Variants in LCLAT1 observed in about 807,000 individuals in gnomAD.
LCLAT1 encodes 1-AGP acyltransferase 8.
A neutral mutation model predicts 30.7 loss-of-function variants in LCLAT1; 11 were observed. The ratio of observed to expected loss-of-function variants is 0.36; its 90% confidence interval spans 0.23 to 0.59. The LOEUF is 0.59. LCLAT1 is among the 20% of genes least tolerant of loss of function. The pLI is 0.77. For synonymous variants in LCLAT1, 155 were observed against 151.3 expected (o/e 1.02, Z -0.18); for missense variants, 402 against 458.6 (o/e 0.88, Z 1.13).
chr2:30,492,889 T>C (rs191258535), intron 1 of LCLAT1, among the ~76,000 whole-genome samples: 330 of 152,352 alleles, frequency 2.2e-3, no homozygotes, highest in African/African-American at 7.6e-3. Context: ...ATTTCATTTA[T>C]ACATTTCCAT....
chr2:30,542,733 T>C (rs565270059), intron 3 of LCLAT1, among the ~76,000 whole-genome samples: 1 of 152,234 alleles, frequency 6.6e-6, no homozygotes, highest in South Asian at 2.1e-4. Context: ...TTTGATTTGT[T>C]TCTGAATATT....
chr2:30,471,940 T>A, intron 1 of LCLAT1, among the ~76,000 whole-genome samples: 1 of 152,224 alleles, frequency 6.6e-6, no homozygotes, highest in Non-Finnish European at 1.5e-5. Context: ...GTCTTATTCT[T>A]GATTTTAGGG....
Position 30,509,022 on chromosome 2 carries a change from T to C in LCLAT1, c.-4-16565T>C, listed in dbSNP as rs190022449. 2.0e-5 allele frequency among the ~76,000 whole-genome samples: 3 copies of C among 152,318 alleles called. No individual in the cohort carries two copies. In the East Asian group the frequency reaches 5.8e-4, roughly 29 times the overall value. ...TGTATTCCTAGTTATTTTATTCTTT[T>C]TGTGGCAATTGTGAATGGGATTGGG... On this transcript the variant is annotated intron_variant, in intron 1 of 5. Transcript: ENST00000379509.
intron 1 of LCLAT1, among the ~76,000 whole-genome samples, chr2:30,478,738 CAT>C (rs537678806): frequency 6.6e-6 from 1 of 152,108 alleles, no homozygotes; most frequent in Non-Finnish European, 1.5e-5. Flanking sequence ...AAAAACCAAA[CAT>C]AGACACACAT....
chr2:30,483,877 A>C (rs979156267), intron 1 of LCLAT1, among the ~76,000 whole-genome samples: 5 of 152,174 alleles, frequency 3.3e-5, no homozygotes, highest in African/African-American at 1.2e-4. Flanking sequence ...AGGAGACCTG[A>C]CTTTTAGGCC....
At chr2:30,577,914 ATCTG>A (rs2148462412) in intron 5 of LCLAT1, among the ~76,000 whole-genome samples, 1 of 152,256 alleles carries the variant, frequency 6.6e-6, no homozygotes, top group South Asian at 2.1e-4. Context: ...TTAAGTAAAC[ATCTG>A]TCTGTGATTC....
chr2:30,497,460 T>A lies in LCLAT1; in HGVS notation c.-4-28127T>A, dbSNP rs551934888. On this transcript the variant is annotated intron_variant, in intron 1 of 5. Transcript: ENST00000379509. ...TTAAAAATGTTAGACTTTGCATTAA[T>A]AACTATTTTTGTGCCATTTTGTTAA... 4.3e-4 allele frequency among the ~76,000 whole-genome samples: 66 copies of A among 152,354 alleles called. 1 individual carries two copies. Among genetic ancestry groups the A allele is most frequent in the Admixed American group, 1.3e-3 (20 of 15,300 alleles).
At chr2:30,637,798 G>A (rs931455443) in intron 5 of LCLAT1, among the ~76,000 whole-genome samples, 49 of 151,936 alleles carry the variant, frequency 3.2e-4, no homozygotes, top group East Asian at 1.9e-4. Flanking sequence ...GGCTGGTCTC[G>A]AACTCCTGAC....
intron 3 of LCLAT1, among the ~76,000 whole-genome samples, chr2:30,548,588 C>CT (rs1664536296): frequency 6.6e-6 from 1 of 152,052 alleles, no homozygotes; most frequent in South Asian, 2.1e-4. Context: ...AGATAGCAAA[C>CT]TTCAGAGAGA....
chr2:30,485,364 G>T (rs1386552336), intron 1 of LCLAT1, among the ~76,000 whole-genome samples: 1 of 152,032 alleles, frequency 6.6e-6, no homozygotes, highest in African/African-American at 2.4e-5. Context: ...TAATTTTTTG[G>T]ACAGCTTTTT....
intron 5 of LCLAT1, among the ~76,000 whole-genome samples, chr2:30,598,262 G>C (rs2602805): frequency 0.71 from 107,577 of 151,948 alleles, 38,204 homozygotes; most frequent in Middle Eastern, 0.74. Flanking sequence ...CTGTAAATCT[G>C]TCTGGTCCTG....
chr2:30,635,291 C>T (rs954748769), intron 5 of LCLAT1, among the ~76,000 whole-genome samples: 5 of 151,356 alleles, frequency 3.3e-5, no homozygotes, highest in Admixed American at 3.3e-4. Flanking sequence ...TCAACTCTCC[C>T]TCCTTGTATA....
chr2:30,469,574 CTTTTTTTTTT>C (rs199634493), intron 1 of LCLAT1, among the ~76,000 whole-genome samples: 28 of 103,838 alleles, frequency 2.7e-4, no homozygotes, highest in South Asian at 5.9e-4. Flanking sequence ...CAGGTCTCTT[CTTTTTTTTTT>C]TTTTTTTTTT....
chr2:30,512,104 T>C (rs1171787234), intron 1 of LCLAT1, among the ~76,000 whole-genome samples: 1 of 152,226 alleles, frequency 6.6e-6, no homozygotes, highest in Non-Finnish European at 1.5e-5. Context: ...GTGGGATTTT[T>C]AGTGTGTTTT....
chr2:30,504,188 A>G (rs973321468), intron 1 of LCLAT1, among the ~76,000 whole-genome samples: 1 of 152,084 alleles, frequency 6.6e-6, no homozygotes, highest in Non-Finnish European at 1.5e-5. Context: ...AATATGCATT[A>G]CATATATAAC....
chr2:30,535,870 G>A (rs1012028628), intron 3 of LCLAT1, among the ~76,000 whole-genome samples: 2 of 151,884 alleles, frequency 1.3e-5, no homozygotes, highest in Non-Finnish European at 2.9e-5. Context: ...GATCTTAAGG[G>A]AACTCAGCAA....
intron 1 of LCLAT1, among the ~76,000 whole-genome samples, chr2:30,488,414 CT>C (rs1487446184): frequency 2.6e-5 from 4 of 152,242 alleles, no homozygotes; most frequent in Non-Finnish European, 4.4e-5. Flanking sequence ...TCAGTAATGA[CT>C]GATTTGAGAT....
intron 5 of LCLAT1, among the ~76,000 whole-genome samples, chr2:30,578,211 T>G (rs1666074001): frequency 6.6e-6 from 1 of 152,154 alleles, no homozygotes; most frequent in South Asian, 2.1e-4. Flanking sequence ...CATGTAGAAA[T>G]TCTGATAACT....
intron 3 of LCLAT1, among the ~76,000 whole-genome samples, chr2:30,558,575 G>A (rs1665043473): frequency 6.7e-6 from 1 of 148,250 alleles, no homozygotes; most frequent in Admixed American, 6.8e-5. Context: ...TCCAGCTTGG[G>A]TGACAGAGCA....
Sources: allele counts gnomAD v4.1 joint callset (sites outside exome capture counted in the v4.1 genomes callset), GRCh38; gene constraint gnomAD v4.1.1; transcripts MANE v1.5; gene names NCBI Gene and HGNC (gene_info 2026-07-23, HGNC 2026-07-21).